The following USP12 variants were observed in gnomAD, a reference collection of about 807,000 sequenced individuals.
USP12 encodes ubiquitin carboxyl-terminal hydrolase 12.
A neutral mutation model predicts 45.5 loss-of-function variants in USP12; 19 were observed. The observed-to-expected ratio is 0.42, with a 90% CI of 0.29 to 0.61. The LOEUF (loss-of-function observed/expected upper bound fraction) is 0.61, where lower values mean the gene tolerates loss of function less well. USP12 is among the 20% of genes least tolerant of loss of function. USP12 has a pLI of 0.22. For missense variants in USP12, 242 were observed against 447.7 expected, an observed-to-expected ratio of 0.54 and a Z score of 4.15; for synonymous variants, 149 against 148.8, an observed-to-expected ratio of 1.00 and a Z score of -0.01.
At chr13:27,145,885 T>C (rs1223386225) in intron 1 of USP12, among the ~76,000 whole-genome samples, 1 of 152,064 alleles carries the variant, frequency 6.6e-6, no homozygotes, top group Non-Finnish European at 1.5e-5. Flanking sequence ...ATTAATGAAA[T>C]TGTCTACAGA....
At chr13:27,103,598 C>CAAAAAAAAAAA (rs376135830) in intron 3 of USP12, among the ~76,000 whole-genome samples, 89 of 128,668 alleles carry the variant, frequency 6.9e-4, no homozygotes, top group African/African-American at 1.7e-3. Flanking sequence ...ATTGAACTAT[C>CAAAAAAAAAAA]AAAAAAAAAA....
At chr13:27,162,855 C>T (rs1267770439) in intron 1 of USP12, 2 of 152,058 alleles carry the variant, frequency 1.3e-5, no homozygotes, top group African/African-American at 2.4e-5. Flanking sequence ...TTTTCCTTCC[C>T]TCAGAGTTTG....
chr13:27,142,791 G>A (rs2137822113), intron 1 of USP12, among the ~76,000 whole-genome samples: 1 of 152,126 alleles, frequency 6.6e-6, no homozygotes, highest in East Asian at 1.9e-4. Flanking sequence ...AATCTATCGT[G>A]ACACAAAAAA....
chr13:27,136,830 A>T (rs935539651), intron 1 of USP12, among the ~76,000 whole-genome samples: 5 of 152,240 alleles, frequency 3.3e-5, no homozygotes, highest in Non-Finnish European at 7.3e-5. Flanking sequence ...AAGTAATAAA[A>T]TGATATTTGG....
chr13:27,171,271 A>G (rs1878591961), intron 1 of USP12, among the ~76,000 whole-genome samples: 2 of 148,740 alleles, frequency 1.3e-5, no homozygotes, highest in Non-Finnish European at 3.0e-5. Context: ...TCCCGAGCGG[A>G]CCCCAGCAGT....
chr13:27,119,250 CA>C (rs1434933493), intron 1 of USP12, among the ~76,000 whole-genome samples: 1 of 152,018 alleles, frequency 6.6e-6, no homozygotes, highest in Non-Finnish European at 1.5e-5. Context: ...AGCTATAATA[CA>C]AAAAAATAGA....
rs1216658638 is a variant in USP12, at chr13:27,170,427, T to C, written c.48+1165A>G. ...TTGCATAAATAGGGCCAGTGAGGCA[T>C]GAAACACAAGATTTCAGAAGTCTCT... On this transcript the variant is annotated intron_variant, in intron 1 of 8. Coordinates refer to ENST00000282344, the MANE Select transcript of USP12 (RefSeq NM_182488.4). 1.5e-5 allele frequency: 6 copies of C among 398,068 alleles called. No homozygotes were observed. The South Asian group carries it at 6.4e-4, about 43-fold the overall frequency. 24.7% of individuals were successfully genotyped at this position (398,068 alleles called of 1,614,324 possible). A position where few individuals can be genotyped will look rare whatever the true frequency, so the allele number is the denominator to read the frequency against.
At chr13:27,123,819 T>A (rs2137803984) in intron 1 of USP12, among the ~76,000 whole-genome samples, 1 of 152,290 alleles carries the variant, frequency 6.6e-6, no homozygotes, top group South Asian at 2.1e-4. Flanking sequence ...CAGTCTCAGG[T>A]ATTTCTTCAC....
intron 1 of USP12, chr13:27,117,616 C>CGTGTGTGT (rs60533914): frequency 0.032 from 9,097 of 284,438 alleles, 161 homozygotes; most frequent in Middle Eastern, 0.048. Context: ...AAAACACCAA[C>CGTGTGTGT]GTGTGTGTGT....
chr13:27,156,809 A>G (rs982021123), intron 1 of USP12, among the ~76,000 whole-genome samples: 3 of 152,012 alleles, frequency 2.0e-5, no homozygotes, highest in Non-Finnish European at 4.4e-5. Context: ...GCGACAGAGC[A>G]AGATTCCGTC....
intron 1 of USP12, 147 bp downstream of exon 1, chr13:27,171,444 GC>G (rs1878604113): frequency 2.9e-6 from 1 of 344,796 alleles, no homozygotes; most frequent in Non-Finnish European, 3.9e-6. Flanking sequence ...CCGTCCAACC[GC>G]CCCCGCCCGG....
chr13:27,073,243 T>G lies in USP12; in HGVS notation c.932+1948A>C, dbSNP rs1873327356. Reference sequence around the variant, plus strand: ...GGGGCGGGATACCAAAGACCTGCTGTGCAGAACTCCATCAGGAGAGAGTTC... The same window carrying G: ...GGGGCGGGATACCAAAGACCTGCTGGGCAGAACTCCATCAGGAGAGAGTTC... On this transcript the variant is annotated intron_variant, in intron 7 of 8. Transcript: ENST00000282344. Among the ~76,000 whole-genome samples, 3 of 152,132 alleles carry G rather than the reference T, an allele frequency of 2.0e-5. No homozygotes were observed. The South Asian group carries it at 6.2e-4, about 32-fold the overall frequency.
intron 1 of USP12, chr13:27,170,352 G>A: frequency 2.5e-6 from 1 of 398,444 alleles, no homozygotes; most frequent in Non-Finnish European, 4.4e-6. Flanking sequence ...TATATACAAT[G>A]TACCACCCTT....
intron 3 of USP12, among the ~76,000 whole-genome samples, chr13:27,104,744 C>T (rs1033441745): frequency 1.3e-5 from 2 of 152,190 alleles, no homozygotes; most frequent in Admixed American, 1.3e-4. Context: ...TACCTCAATT[C>T]ACTGTGTACA....
intron 1 of USP12, among the ~76,000 whole-genome samples, chr13:27,136,229 G>A (rs570429567): frequency 7.9e-5 from 12 of 152,282 alleles, no homozygotes; most frequent in Admixed American, 2.0e-4. Flanking sequence ...TTGGCGGGGC[G>A]CGGTGCTCAC....
chr13:27,160,070 G>A (rs542549063), intron 1 of USP12, among the ~76,000 whole-genome samples: 71 of 152,188 alleles, frequency 4.7e-4, no homozygotes, highest in African/African-American at 1.7e-3. Context: ...TTTAAAGAAC[G>A]AAAATACCAC....
At chr13:27,100,643 T>C (rs998098249) in intron 3 of USP12, among the ~76,000 whole-genome samples, 4 of 152,148 alleles carry the variant, frequency 2.6e-5, no homozygotes, top group Admixed American at 2.6e-4. Context: ...AGAACCTTTA[T>C]CTCTCACTCA....
intron 6 of USP12, 114 bp from the exon 7 acceptor site, chr13:27,075,502 C>G: frequency 1.1e-6 from 1 of 871,582 alleles, no homozygotes; most frequent in Non-Finnish European, 1.7e-6. Flanking sequence ...TTTTAATAGC[C>G]CAGCAATGCC....
At chr13:27,086,203 T>TAG (rs1874032319) in intron 6 of USP12, among the ~76,000 whole-genome samples, 1 of 135,980 alleles carries the variant, frequency 7.4e-6, no homozygotes, top group South Asian at 2.3e-4. Flanking sequence ...AAAAAATATA[T>TAG]ATATATATAT....
Sources: gnomAD v4.1 joint callset for allele counts (sites outside exome capture counted in the v4.1 genomes callset) on GRCh38, gnomAD v4.1.1 for gene constraint, MANE v1.5 for transcripts, NCBI Gene and HGNC (gene_info 2026-07-23, HGNC 2026-07-21) for gene names.